Variants in PON1 observed in about 807,000 individuals in gnomAD.
PON1 encodes the protein paraoxonase 1, also known as serum paraoxonase/arylesterase 1.
Under a neutral mutation model 39.2 loss-of-function variants are expected in PON1, and 37 were observed. The ratio of observed to expected loss-of-function variants is 0.94; its 90% CI spans 0.73 to 1.24. PON1 has a LOEUF of 1.24. PON1 is among the 50% of genes most tolerant of loss of function. The pLI is 0.00. For synonymous variants in PON1, 148 were observed against 152.2 expected (o/e 0.97, Z 0.21); for missense variants, 397 against 413.5 (o/e 0.96, Z 0.35).
At chr7:95,318,280 A>G (rs757591667) in intron 2 of PON1, 43 bp downstream of exon 2, 2 of 1,512,596 alleles carry the variant, frequency 1.3e-6, no homozygotes, top group South Asian at 1.1e-5. Flanking sequence ...GCAAAAAAAT[A>G]CCGGAAGTTC....
At chr7:95,316,591 G>C in intron 3 of PON1, 143 bp downstream of exon 3, 1 of 785,288 alleles carries the variant, frequency 1.3e-6, no homozygotes, top group East Asian at 2.4e-5. Context: ...AAGTGTAAAT[G>C]CATACACAAT....
In PON1 at chr7:95,315,611, C is replaced by T. The variant is rs854556; in HGVS notation, c.202-121G>A. On this transcript the variant is annotated intron_variant, in intron 3 of 8. Transcript: ENST00000222381. ...CAAACCACAGGGCTAGCCAGATGGC[C>T]ACATAGGAAGCCTCTTAGTTAGCTT... The T allele has an allele frequency of 0.32, 324,209 of 1,019,712 alleles. 56,195 individuals carry two copies. Among genetic ancestry groups the T allele is most frequent in the Middle Eastern group, 0.38 (1,907 of 4,964 alleles). 63.2% of individuals were successfully genotyped at this position (1,019,712 alleles called of 1,614,324 possible).
chr7:95,316,887 A>G (rs956573881), intron 2 of PON1, 98 bp from the exon 3 acceptor site: 5 of 862,350 alleles, frequency 5.8e-6, no homozygotes, highest in Non-Finnish European at 1.0e-5. Flanking sequence ...GGGGCTATAC[A>G]TCACTCTTCT....
In PON1 at chr7:95,316,711, G is replaced by C. The variant is rs41364245; in HGVS notation, c.201+23C>G. The C allele has an allele frequency of 8.1e-6, 13 of 1,606,688 alleles. No individual in the cohort carries two copies. The African/African-American group carries it at 1.7e-4, about 21-fold the overall frequency. On this transcript the variant is annotated intron_variant, in intron 3 of 8. Coordinates refer to ENST00000222381, the MANE Select transcript of PON1 (RefSeq NM_000446.7). ...GTCCTAGAAAACGTTCTAGAACACA[G>C]AAAAGTGAAAGAAAACACTCACAGA...
At chr7:95,314,797 A>G (rs1042491552) in intron 4 of PON1, among the ~76,000 whole-genome samples, 2 of 152,192 alleles carry the variant, frequency 1.3e-5, no homozygotes, top group Non-Finnish European at 2.9e-5. Context: ...AAGGGAGTAA[A>G]GACATAAAGG....
At chr7:95,309,393 C>T (rs1807609033) in intron 5 of PON1, among the ~76,000 whole-genome samples, 1 of 151,502 alleles carries the variant, frequency 6.6e-6, no homozygotes, top group African/African-American at 2.4e-5. Context: ...ATTTTACTCT[C>T]TCTTTTTTAA....
intron 6 of PON1, 134 bp downstream of exon 6, chr7:95,307,877 T>C: frequency 1.1e-6 from 1 of 924,960 alleles, no homozygotes; most frequent in Non-Finnish European, 1.7e-6. Flanking sequence ...AATTAAGACA[T>C]TTTACATTTT....
At chr7:95,299,143 C>G in intron 8 of PON1, 41 bp from the exon 9 acceptor site, 1 of 1,581,640 alleles carries the variant, frequency 6.3e-7, no homozygotes, top group Non-Finnish European at 8.7e-7. Flanking sequence ...TTTGTTAAGT[C>G]ACTTAAAACA....
Position 95,297,706 on chromosome 7 carries a change from C to CA in PON1, c.*1237_*1238insT, listed in dbSNP as rs1740288858. 6.6e-6 allele frequency: 1 copy of CA among 152,176 alleles called. No homozygotes were observed. The highest frequency in any genetic ancestry group is 1.5e-5 in the Non-Finnish European group (1 of 68,080). 9.4% of individuals were successfully genotyped at this position (152,176 alleles called of 1,614,324 possible). A position where few individuals can be genotyped will look rare whatever the true frequency, so the allele number is the denominator to read the frequency against. ...ATCCGGGAGGCTGAGGCACAAGAATCTCTTGAACCTCGGAGGTAGAAGTTG... is the reference window on the plus strand; with the variant it reads ...ATCCGGGAGGCTGAGGCACAAGAATCATCTTGAACCTCGGAGGTAGAAGTTG... On this transcript the variant is annotated 3_prime_UTR_variant, in exon 9 of 9. Transcript: ENST00000222381.
Position 95,298,829 on chromosome 7 carries a change from T to C in PON1, c.*115A>G. On this transcript the variant is annotated 3_prime_UTR_variant, in exon 9 of 9. Transcript: ENST00000222381. ...TAAACAGTGCTTTGATGCTTCATGA[T>C]GTCCACATTTAGGGTCAGCATTCAT... 1 of 1,283,542 alleles carries C rather than the reference T, an allele frequency of 7.8e-7. No individual in the cohort carries two copies. The highest frequency in any genetic ancestry group is 1.1e-6 in the Non-Finnish European group (1 of 887,298). The allele number at this position is 1,283,542 out of a possible 1,614,324, so 79.5% of individuals were successfully genotyped here.
Position 95,316,731 on chromosome 7 carries a change from C to T in PON1, c.201+3G>A. 6.2e-7 allele frequency: 1 copy of T among 1,612,596 alleles called. No homozygotes were observed. Among genetic ancestry groups the T allele is most frequent in the South Asian group, 1.1e-5 (1 of 91,048 alleles). ...ACACAGAAAAGTGAAAGAAAACACTCACAGAGCTAATGAAAGCCAGTCCAT... is the reference window on the plus strand; with the variant it reads ...ACACAGAAAAGTGAAAGAAAACACTTACAGAGCTAATGAAAGCCAGTCCAT... On this transcript the variant is annotated splice_donor_region_variant and intron_variant, in intron 3 of 8. Transcript: ENST00000222381.
chr7:95,306,928 A>G (rs1405281868), intron 6 of PON1, among the ~76,000 whole-genome samples: 2 of 152,096 alleles, frequency 1.3e-5, no homozygotes, highest in Non-Finnish European at 2.9e-5. Context: ...CCCCAACAAA[A>G]AAAAGAAATT....
chr7:95,320,760 AT>A (rs1305110668), intron 1 of PON1, among the ~76,000 whole-genome samples: 1 of 152,150 alleles, frequency 6.6e-6, no homozygotes, highest in African/African-American at 2.4e-5. Flanking sequence ...CTCATTTTCA[AT>A]TTATTAGGAA....
intron 2 of PON1, 105 bp downstream of exon 2, chr7:95,318,218 T>G: frequency 1.0e-6 from 1 of 968,748 alleles, no homozygotes; most frequent in Non-Finnish European, 1.6e-6. Flanking sequence ...CTCTCCTGAT[T>G]CAAAATTTTA....
At position 95,303,670 on chromosome 7, in the gene PON1, G is replaced by A. The variant is rs3917557; in HGVS notation, c.781-1337C>T. On this transcript the variant is annotated intron_variant, in intron 7 of 8. Coordinates refer to ENST00000222381, the MANE Select transcript of PON1 (RefSeq NM_000446.7). The stretch of plus-strand genomic sequence containing the variant: ...AGCTCATGCCATGGAAGTGCTGACA[G>A]TCTAGCAGGGAGCCTGTTCTGAGTC... Among the ~76,000 whole-genome samples, 193 of 152,330 alleles carry A rather than the reference G, an allele frequency of 1.3e-3. 1 individual carries two copies. Among genetic ancestry groups the A allele is most frequent in the African/African-American group, 4.3e-3 (177 of 41,572 alleles).
Position 95,298,828 on chromosome 7 carries a change from A to G in PON1, c.*116T>C. On this transcript the variant is annotated 3_prime_UTR_variant, in exon 9 of 9. Transcript: ENST00000222381. ...TTAAACAGTGCTTTGATGCTTCATG[A>G]TGTCCACATTTAGGGTCAGCATTCA... The G allele has an allele frequency of 1.6e-6, 2 of 1,271,580 alleles. No homozygotes were observed. The highest frequency in any genetic ancestry group is 2.4e-5 in the South Asian group (2 of 81,702). 78.8% of individuals were successfully genotyped at this position (1,271,580 alleles called of 1,614,324 possible).
Position 95,306,384 on chromosome 7 carries a change from C to A in PON1, c.699-18G>T. On this transcript the variant is annotated intron_variant, in intron 6 of 8. Transcript: ENST00000222381. ...AGACATACCTTCAAAGAAGAAAGAG[C>A]TACATCAAAGTACTAGAAGTAACAC... 6.5e-7 allele frequency: 1 copy of A among 1,533,566 alleles called. No individual in the cohort carries two copies. Among genetic ancestry groups the A allele is most frequent in the Non-Finnish European group, 9.0e-7 (1 of 1,107,742 alleles). The allele number at this position is 1,533,566 out of a possible 1,614,324, so 95.0% of individuals were successfully genotyped here.
At chr7:95,311,194 G>A (rs1426599021) in intron 5 of PON1, among the ~76,000 whole-genome samples, 1 of 152,084 alleles carries the variant, frequency 6.6e-6, no homozygotes, top group Non-Finnish European at 1.5e-5. Context: ...TTTTTTTCCT[G>A]GTAATAACTT....
intron 5 of PON1, among the ~76,000 whole-genome samples, chr7:95,310,658 A>C (rs989636536): frequency 6.6e-6 from 1 of 152,218 alleles, no homozygotes; most frequent in African/African-American, 2.4e-5. Flanking sequence ...TGCACACTAC[A>C]TACCAGGCCC....
Sources: gnomAD v4.1 joint callset for allele counts (sites outside exome capture counted in the v4.1 genomes callset) on GRCh38, gnomAD v4.1.1 for gene constraint, MANE v1.5 for transcripts, NCBI Gene and HGNC (gene_info 2026-07-23, HGNC 2026-07-21) for gene names.